The following SFMBT2 variants were observed in gnomAD, a reference collection of about 807,000 sequenced individuals.
SFMBT2 encodes Scm like with four mbt domains 2.
In SFMBT2, 38 loss-of-function variants were observed where a neutral mutation model predicts 110.1. That is an observed-to-expected ratio of 0.35 (90% CI 0.27 to 0.45). The LOEUF (loss-of-function observed/expected upper bound fraction) is 0.45, where lower values mean the gene tolerates loss of function less well. Ranked by LOEUF, SFMBT2 falls within the 20% of genes least tolerant of loss-of-function variation. The pLI, the probability that SFMBT2 is intolerant of heterozygous loss-of-function variation, is 1.00. For synonymous variants in SFMBT2, 425 were observed against 425.4 expected (o/e 1.00, Z 0.01); for missense variants, 1,011 against 1,094.9 (o/e 0.92, Z 1.08).
At chr10:7,239,971 TATAAA>T (rs770195312) in intron 9 of SFMBT2, among the ~76,000 whole-genome samples, 39 of 152,170 alleles carry the variant, frequency 2.6e-4, no homozygotes, top group Non-Finnish European at 3.1e-4. Flanking sequence ...TTTCTCTAGA[TATAAA>T]ATAAGTAAGG....
intron 4 of SFMBT2, among the ~76,000 whole-genome samples, chr10:7,356,383 T>C (rs1271608181): frequency 6.6e-6 from 1 of 152,114 alleles, no homozygotes; most frequent in Non-Finnish European, 1.5e-5. Flanking sequence ...GAAGGCACAC[T>C]AGCTACTGCG....
At chr10:7,300,495 A>G (rs993470786) in intron 4 of SFMBT2, among the ~76,000 whole-genome samples, 2 of 152,172 alleles carry the variant, frequency 1.3e-5, no homozygotes, top group African/African-American at 4.8e-5. Context: ...CTTCTCATTC[A>G]GTGTGCCTGC....
intron 11 of SFMBT2, among the ~76,000 whole-genome samples, chr10:7,218,852 C>T (rs978193980): frequency 6.6e-6 from 1 of 152,174 alleles, no homozygotes; most frequent in South Asian, 2.1e-4. Flanking sequence ...GAACCCCAGG[C>T]AGATCTTAAT....
rs1837860331 is a variant in SFMBT2 at position 7,171,073 on chromosome 10, G to C, written c.2416-17C>G. ...TTTCGTGTCCTGCAGAGAAAGGGCA[G>C]GAGGAGCTCAGCTGCGGCACAGTCA... On this transcript the variant is annotated splice_polypyrimidine_tract_variant and intron_variant, in intron 19 of 20. Coordinates refer to ENST00000397167, the MANE Select transcript of SFMBT2 (RefSeq NM_001387889.1). The surrounding 1 kb of genome is among the most constrained non-coding windows in gnomAD (Gnocchi z 4.9). 2 of 1,613,894 alleles carry C rather than the reference G, an allele frequency of 1.2e-6. No individual in the cohort carries two copies. Among genetic ancestry groups the C allele is most frequent in the Non-Finnish European group, 1.7e-6 (2 of 1,179,950 alleles).
chr10:7,270,346 T>A (rs937650525), intron 7 of SFMBT2, among the ~76,000 whole-genome samples: 1 of 152,182 alleles, frequency 6.6e-6, no homozygotes, highest in Non-Finnish European at 1.5e-5. Flanking sequence ...TCCAGAAGCA[T>A]GAGAGAACAA....
Position 7,214,548 on chromosome 10 carries a change from A to T in SFMBT2, c.1330+5863T>A, listed in dbSNP as rs1308681146. 9.1e-6 allele frequency: 9 copies of T among 985,104 alleles called. No individual in the cohort carries two copies. The South Asian group carries it at 3.3e-4, about 36-fold the overall frequency. The allele number at this position is 985,104 out of a possible 1,614,324, so 61.0% of individuals were successfully genotyped here. A position where few individuals can be genotyped will look rare whatever the true frequency, so the allele number is the denominator to read the frequency against. Reference sequence around the variant, plus strand: ...CACTGCTTCTTGTGTTTAAATACCTATGAGGAAATTCTACGGACTTATGGG... The same window carrying T: ...CACTGCTTCTTGTGTTTAAATACCTTTGAGGAAATTCTACGGACTTATGGG... On this transcript the variant is annotated intron_variant, in intron 11 of 20. Coordinates refer to ENST00000397167, the MANE Select transcript of SFMBT2 (RefSeq NM_001387889.1).
chr10:7,228,902 T>C (rs1295064722), intron 9 of SFMBT2, among the ~76,000 whole-genome samples: 1 of 151,980 alleles, frequency 6.6e-6, no homozygotes, highest in Non-Finnish European at 1.5e-5. Context: ...AAAAGAGGAC[T>C]GAATTATACC....
At chr10:7,331,981 ACAGT>A (rs1843571722) in intron 4 of SFMBT2, among the ~76,000 whole-genome samples, 1 of 146,452 alleles carries the variant, frequency 6.8e-6, no homozygotes, top group South Asian at 2.2e-4. Context: ...CCATTGCACT[ACAGT>A]CTCCTGGGCA....
At chr10:7,164,522 G>T (rs550413902) in intron 20 of SFMBT2, 2 of 840,382 alleles carry the variant, frequency 2.4e-6, no homozygotes, top group Non-Finnish European at 2.9e-6. Flanking sequence ...TGCTTCCCAA[G>T]CTTATCGCCC....
intron 4 of SFMBT2, among the ~76,000 whole-genome samples, chr10:7,314,733 C>T (rs1307519156): frequency 6.6e-6 from 1 of 151,954 alleles, no homozygotes; most frequent in African/African-American, 2.4e-5. Flanking sequence ...CATGGTGAAA[C>T]CCTGTATCTA....
chr10:7,217,971 C>T (rs1039310420), intron 11 of SFMBT2, among the ~76,000 whole-genome samples: 33 of 152,308 alleles, frequency 2.2e-4, no homozygotes, highest in African/African-American at 7.9e-4. Context: ...TCATTGCTCC[C>T]TCTTCAACAA....
intron 16 of SFMBT2, among the ~76,000 whole-genome samples, chr10:7,184,283 C>G (rs909817560): frequency 1.3e-5 from 2 of 152,150 alleles, no homozygotes; most frequent in African/African-American, 4.8e-5. Context: ...TGGGAGGTAA[C>G]TGAATCATGG....
chr10:7,310,760 C>T (rs1199924176), intron 4 of SFMBT2, among the ~76,000 whole-genome samples: 1 of 152,126 alleles, frequency 6.6e-6, no homozygotes, highest in African/African-American at 2.4e-5. Flanking sequence ...AAAATGTCAG[C>T]CAGGGCTAGA....
At chr10:7,289,047 A>T (rs968651799) in intron 4 of SFMBT2, among the ~76,000 whole-genome samples, 6 of 152,038 alleles carry the variant, frequency 3.9e-5, no homozygotes, top group African/African-American at 1.4e-4. Flanking sequence ...TTCAGAGCCC[A>T]ATCTCACATG....
At chr10:7,324,677 T>C (rs1294242728) in intron 4 of SFMBT2, among the ~76,000 whole-genome samples, 2 of 152,322 alleles carry the variant, frequency 1.3e-5, no homozygotes, top group Non-Finnish European at 2.9e-5. Flanking sequence ...ATAGACTGGG[T>C]GTCTTAAACA....
chr10:7,324,961 C>CTTTTTTT (rs869253757), intron 4 of SFMBT2, among the ~76,000 whole-genome samples: 11 of 92,128 alleles, frequency 1.2e-4, no homozygotes, highest in East Asian at 3.2e-4. Flanking sequence ...AGAGGCCCCA[C>CTTTTTTT]TTTTTTTTTT....
Position 7,172,129 on chromosome 10 carries a change from C to G in SFMBT2, c.2181G>C (p.Met727Ile). The change falls in exon 19 of 21, where the codon ATG becomes ATC. Residue 727 changes from methionine (M) to isoleucine (I), a missense_variant. Met to Ile is a conservative substitution (Grantham distance 10). Transcript: ENST00000397167. This position sits in a 1 kb window ranked among gnomAD's most constrained non-coding sequence, Gnocchi z 4.6. ...EESEEEDADA[M>I]DDDTASEETG... ...TCTCCTCACTGGCGGTGTCATCGTC[C>G]ATGGCGTCAGCGTCCTCCTCTTCAC... 6.3e-7 allele frequency: 1 copy of G among 1,574,946 alleles called. No individual in the cohort carries two copies.
Position 7,159,544 on chromosome 10 carries a change from G to T in SFMBT2, c.*4226C>A, listed in dbSNP as rs1837494981. ...AGATTTCCTTTGCTATTTAATTATT[G>T]CACCAACGAGATATGGGCAGTATGG... is the stretch of plus-strand genomic sequence containing the variant. On this transcript the variant is annotated 3_prime_UTR_variant, in exon 21 of 21. Coordinates refer to ENST00000397167, the MANE Select transcript of SFMBT2 (RefSeq NM_001387889.1). The T allele has an allele frequency of 6.6e-6, 1 of 151,916 alleles. No homozygotes were observed. Among genetic ancestry groups the T allele is most frequent in the African/African-American group, 2.4e-5 (1 of 41,330 alleles). 9.4% of individuals were successfully genotyped at this position (151,916 alleles called of 1,614,324 possible). A position where few individuals can be genotyped will look rare whatever the true frequency, so the allele number is the denominator to read the frequency against.
chr10:7,306,674 T>A, intron 4 of SFMBT2, among the ~76,000 whole-genome samples: 1 of 143,846 alleles, frequency 7.0e-6, no homozygotes, highest in South Asian at 2.2e-4. Flanking sequence ...CATCTACAAA[T>A]ATAATATATG....
Sources: allele counts gnomAD v4.1 joint callset (sites outside exome capture counted in the v4.1 genomes callset), GRCh38; gene constraint gnomAD v4.1.1; non-coding constraint Gnocchi (gnomAD v3.1); transcripts MANE v1.5; gene names NCBI Gene and HGNC (gene_info 2026-07-23, HGNC 2026-07-21).